Variants in SLC18A2 observed in about 807,000 individuals in gnomAD.
SLC18A2 encodes the protein synaptic vesicular amine transporter.
SLC18A2 carries 33 observed loss-of-function variants against 59.2 expected under a neutral mutation model. The ratio of observed to expected loss-of-function variants is 0.56; its 90% CI spans 0.42 to 0.75. The LOEUF is 0.75. SLC18A2 is among the 30% of genes least tolerant of loss of function. The probability of loss-of-function intolerance (pLI) is 0.00; values close to 1 mark genes in which losing one functional copy is unlikely to be tolerated. For missense variants in SLC18A2, 569 were observed against 668.6 expected (o/e 0.85, Z 1.64); for synonymous variants, 228 against 253.5 (o/e 0.90, Z 0.95).
At position 117,277,786 on chromosome 10, in the gene SLC18A2, T is replaced by TA. The variant is rs1844520601; in HGVS notation, c.*523dup. On this transcript the variant is annotated 3_prime_UTR_variant, in exon 16 of 16. Coordinates refer to ENST00000644641, the MANE Select transcript of SLC18A2 (RefSeq NM_003054.6). ...AGTTACTATCAATATATTTATGCGT[T>TA]AAACAGCTAGTTCTCTCAAGTGTAG... The TA allele has an allele frequency of 6.6e-6, 1 of 152,250 alleles. No homozygotes were observed. The highest frequency in any genetic ancestry group is 2.1e-4 in the South Asian group (1 of 4,824). The allele number at this position is 152,250 out of a possible 1,614,324, so 9.4% of individuals were successfully genotyped here.
At chr10:117,254,924 G>A (rs1330162729) in intron 6 of SLC18A2, among the ~76,000 whole-genome samples, 2 of 152,150 alleles carry the variant, frequency 1.3e-5, no homozygotes, top group Admixed American at 6.5e-5. Flanking sequence ...CCGATTTCCC[G>A]CCTGCTTCCA....
intron 1 of SLC18A2, 94 bp from the exon 2 acceptor site, chr10:117,241,585 C>T: frequency 7.7e-7 from 1 of 1,304,960 alleles, no homozygotes; most frequent in Non-Finnish European, 9.9e-7. Flanking sequence ...TGCCGGTGCG[C>T]GCGGCTCCCT....
At chr10:117,268,002 C>T (rs1844368633) in intron 13 of SLC18A2, 1 of 369,596 alleles carries the variant, frequency 2.7e-6, no homozygotes, top group Non-Finnish European at 5.1e-6. Flanking sequence ...TGGGGCTGGG[C>T]AAACAAAGGA....
chr10:117,258,771 T>G (rs915090089), intron 10 of SLC18A2, among the ~76,000 whole-genome samples: 1 of 150,114 alleles, frequency 6.7e-6, no homozygotes, highest in African/African-American at 2.4e-5. Context: ...CGACTCTTTT[T>G]TTTTTTTTTT....
At position 117,267,900 on chromosome 10, in the gene SLC18A2, G is replaced by T. The variant is rs363271; in HGVS notation, c.1186+164G>T. Reference sequence around the variant, plus strand: ...ACAGCCTGTCGATTCTCCGTGTAAAGACACCTGCTTCTATGCACTAGTCAT... The same window carrying T: ...ACAGCCTGTCGATTCTCCGTGTAAATACACCTGCTTCTATGCACTAGTCAT... On this transcript the variant is annotated intron_variant, in intron 13 of 15. Transcript: ENST00000644641. 0.82 allele frequency: 419,352 copies of T among 508,908 alleles called. 175,094 individuals carry two copies. The highest frequency in any genetic ancestry group is 0.88 in the Non-Finnish European group (243,664 of 275,570). The allele number at this position is 508,908 out of a possible 1,614,324, so 31.5% of individuals were successfully genotyped here.
chr10:117,275,763 G>A (rs1844481483), intron 15 of SLC18A2, among the ~76,000 whole-genome samples: 1 of 152,148 alleles, frequency 6.6e-6, no homozygotes, highest in South Asian at 2.1e-4. Context: ...TGGACAATCT[G>A]GTTTGAAAGC....
intron 10 of SLC18A2, among the ~76,000 whole-genome samples, chr10:117,265,083 T>A (rs893299623): frequency 4.6e-5 from 7 of 152,246 alleles, no homozygotes; most frequent in African/African-American, 1.7e-4. Flanking sequence ...TCAATCAGAT[T>A]ACACTGAACA....
intron 10 of SLC18A2, among the ~76,000 whole-genome samples, chr10:117,262,121 A>C (rs1352810831): frequency 6.6e-6 from 1 of 152,098 alleles, no homozygotes; most frequent in Non-Finnish European, 1.5e-5. Context: ...TGGCCAGGCT[A>C]GTCTTGAACT....
At position 117,266,892 on chromosome 10, in the gene SLC18A2, C is replaced by T. The variant is rs189648737; in HGVS notation, c.1070+81C>T. The stretch of plus-strand genomic sequence containing the variant: ...AAATTCTAAGTTGTTTCTGCCTTTG[C>T]TGTTACAAGTAATTGTTTTGATTTT... On this transcript the variant is annotated intron_variant, in intron 11 of 15. Transcript: ENST00000644641. 502 of 1,544,468 alleles carry T rather than the reference C, an allele frequency of 3.3e-4. 3 individuals are homozygous for T. The African/African-American group carries it at 6.1e-3, about 19-fold the overall frequency.
intron 3 of SLC18A2, among the ~76,000 whole-genome samples, chr10:117,249,109 T>C (rs1382345434): frequency 1.3e-5 from 2 of 152,242 alleles, no homozygotes; most frequent in African/African-American, 4.8e-5. Flanking sequence ...AAGTGGGCTG[T>C]GTAGGAACAA....
At chr10:117,262,068 C>T (rs553200693) in intron 10 of SLC18A2, among the ~76,000 whole-genome samples, 43 of 152,232 alleles carry the variant, frequency 2.8e-4, no homozygotes, top group East Asian at 2.3e-3. Context: ...CCACTGTACC[C>T]GGCTAATTTT....
chr10:117,267,199 C>A (rs889399616), intron 12 of SLC18A2, 164 bp downstream of exon 12: 2 of 601,282 alleles, frequency 3.3e-6, no homozygotes, highest in African/African-American at 3.7e-5. Flanking sequence ...TTGGACAAGA[C>A]TTTCCAAGGA....
Position 117,254,561 on chromosome 10 carries a change from G to A in SLC18A2, c.700+64G>A. 3 of 1,241,102 alleles carry A rather than the reference G, an allele frequency of 2.4e-6. No homozygotes were observed. In the South Asian group the frequency reaches 4.7e-5, roughly 19 times the overall value. 76.9% of individuals were successfully genotyped at this position (1,241,102 alleles called of 1,614,324 possible). On this transcript the variant is annotated intron_variant, in intron 6 of 15. Transcript: ENST00000644641. ...GCCTGCCTGGTGCTGGACAGCGGCA[G>A]TCCTCGCCCAGTGACCCTGGCGCAG...
intron 10 of SLC18A2, among the ~76,000 whole-genome samples, chr10:117,262,696 G>T (rs1026614311): frequency 6.6e-6 from 1 of 152,038 alleles, no homozygotes; most frequent in African/African-American, 2.4e-5. Context: ...TAGAGACAGG[G>T]TCTCGTCCTG....
rs1009776633 is a variant in SLC18A2, at chr10:117,269,194, C to T, written c.1187-877C>T. ...ATACATATACACACATACACACACA[C>T]CTACACACATACACATACACACACA... On this transcript the variant is annotated intron_variant, in intron 13 of 15. Coordinates refer to ENST00000644641, the MANE Select transcript of SLC18A2 (RefSeq NM_003054.6). The surrounding 1 kb of genome is among the most constrained non-coding windows in gnomAD (Gnocchi z 5.1). 1.6e-5 allele frequency among the ~76,000 whole-genome samples: 2 copies of T among 126,098 alleles called. No individual in the cohort carries two copies. Among genetic ancestry groups the T allele is most frequent in the East Asian group, 2.3e-4 (1 of 4,262 alleles). 82.7% of individuals were successfully genotyped at this position (126,098 alleles called of 152,430 possible). A position where few individuals can be genotyped will look rare whatever the true frequency, so the allele number is the denominator to read the frequency against.
At chr10:117,267,061 G>A in intron 12 of SLC18A2, 26 bp downstream of exon 12, 1 of 1,567,848 alleles carries the variant, frequency 6.4e-7, no homozygotes, top group Middle Eastern at 1.7e-4. Flanking sequence ...CATTTGACAA[G>A]TGGGAACAAT....
intron 10 of SLC18A2, among the ~76,000 whole-genome samples, chr10:117,266,137 A>T (rs560649162): frequency 6.6e-6 from 1 of 151,620 alleles, no homozygotes; most frequent in African/African-American, 2.4e-5. Flanking sequence ...AAAAATGACC[A>T]GGCAGACATT....
At chr10:117,274,112 A>G (rs1428939366) in intron 15 of SLC18A2, among the ~76,000 whole-genome samples, 1 of 152,194 alleles carries the variant, frequency 6.6e-6, no homozygotes, top group Admixed American at 6.5e-5. Flanking sequence ...GCCTTTCTTC[A>G]TGGCACTTTT....
In SLC18A2 at chr10:117,241,810, C is replaced by G. The variant is rs781006451; in HGVS notation, c.117C>G (p.Val39=). ...ALLLDNMLLT[V]VVPIIPSYLY... ...TGCTGGACAACATGCTGCTCACTGT[C>G]GTGGGTACGTGCGGACAGGGCACCC... The change falls in exon 2 of 16, where the codon GTC becomes GTG. Residue 39 remains valine (V), a synonymous_variant. Coordinates refer to ENST00000644641, the MANE Select transcript of SLC18A2 (RefSeq NM_003054.6). 1.6e-5 allele frequency: 26 copies of G among 1,605,004 alleles called. No individual in the cohort carries two copies. Among genetic ancestry groups the G allele is most frequent in the Non-Finnish European group, 2.1e-5 (25 of 1,176,684 alleles).
Sources: gnomAD v4.1 joint callset for allele counts (sites outside exome capture counted in the v4.1 genomes callset) on GRCh38, gnomAD v4.1.1 for gene constraint, Gnocchi (gnomAD v3.1) non-coding constraint, MANE v1.5 for transcripts, NCBI Gene and HGNC (gene_info 2026-07-23, HGNC 2026-07-21) for gene names.